Variants in CHD2 observed in about 807,000 individuals in gnomAD.
The protein encoded by CHD2 is ATP-dependent chromatin remodeler CHD2.
CHD2 carries 28 observed loss-of-function variants against 243.9 expected under a neutral mutation model. The observed-to-expected ratio is 0.11, with a 90% CI of 0.09 to 0.16. The LOEUF is 0.16. Ranked by LOEUF, CHD2 falls within the 10% of genes least tolerant of loss-of-function variation. CHD2 has a pLI of 1.00. For missense variants in CHD2, 1,386 were observed against 2,209.8 expected (o/e 0.63, Z 7.47); for synonymous variants, 775 against 779.0 (o/e 0.99, Z 0.09).
intron 5 of CHD2, among the ~76,000 whole-genome samples, chr15:92,932,640 G>A (rs1432355388): frequency 6.6e-6 from 1 of 152,214 alleles, no homozygotes; most frequent in East Asian, 1.9e-4. Flanking sequence ...TTAATTGGGA[G>A]CACTTTCACA....
intron 5 of CHD2, 87 bp downstream of exon 5, chr15:92,929,178 T>C: frequency 2.4e-6 from 3 of 1,268,458 alleles, no homozygotes; most frequent in Non-Finnish European, 1.1e-6. Flanking sequence ...GTCTTTAGTC[T>C]ACTCCAGGTC....
At chr15:92,965,913 G>A (rs76720984) in intron 16 of CHD2, among the ~76,000 whole-genome samples, 6 of 152,118 alleles carry the variant, frequency 3.9e-5, no homozygotes, top group African/African-American at 1.4e-4. Context: ...AGGTAAATTA[G>A]CTTATTGAAA....
chr15:92,905,560 T>G (rs2052605356), intron 2 of CHD2, among the ~76,000 whole-genome samples: 1 of 152,172 alleles, frequency 6.6e-6, no homozygotes, highest in Non-Finnish European at 1.5e-5. Flanking sequence ...TGTTGACCCT[T>G]CAGTGCAGGT....
chr15:93,020,636 T>C, intron 38 of CHD2: 1 of 387,338 alleles, frequency 2.6e-6, no homozygotes, highest in Non-Finnish European at 4.7e-6. Context: ...AGCCCATAAT[T>C]GAAGAGTCAA....
rs979710238 is a variant in CHD2, at chr15:92,937,597, G to A, written c.523G>A (p.Val175Ile). The A allele has an allele frequency of 6.2e-7, 1 of 1,613,608 alleles. No homozygotes were observed. Among genetic ancestry groups the A allele is most frequent in the Non-Finnish European group, 8.5e-7 (1 of 1,179,738 alleles). ...SAESEPEQKK[V>I]KARRPVPRRT... ...AGAGAGTGAGCCAGAACAAAAAAAA[G>A]TAAAAGCCAGAAGACCTGTCCCCAG... The change falls in exon 6 of 39, where the codon GTA becomes ATA. Residue 175 changes from valine to isoleucine, a missense_variant. By Grantham distance (29) the Val-to-Ile change is conservative. Coordinates refer to ENST00000394196, the MANE Select transcript of CHD2 (RefSeq NM_001271.4).
chr15:92,919,731 G>GT (rs1161318656), intron 2 of CHD2, among the ~76,000 whole-genome samples: 3 of 152,132 alleles, frequency 2.0e-5, no homozygotes, highest in African/African-American at 7.2e-5. Flanking sequence ...ATCTTTGCTG[G>GT]TTTTGTGTAG....
chr15:92,918,820 T>C (rs12908494), intron 2 of CHD2, among the ~76,000 whole-genome samples: 64,723 of 151,298 alleles, frequency 0.43, 15,619 homozygotes, highest in East Asian at 0.84. Context: ...TATATACACA[T>C]ATACATATAT....
chr15:93,027,329 A>G lies in CHD2; in HGVS notation c.*2624A>G. 6.6e-6 allele frequency: 1 copy of G among 152,354 alleles called. No individual in the cohort carries two copies. 9.4% of individuals were successfully genotyped at this position (152,354 alleles called of 1,614,324 possible). ...GTTGGTAGAAATAACAGGTTGAGAA[A>G]GAGGGAGTTAGCATCACCTAAAACC... On this transcript the variant is annotated 3_prime_UTR_variant, in exon 39 of 39. Transcript: ENST00000394196.
chr15:92,995,970 ACATCTCTAAGGGTCACTTG>A (rs1231171514), intron 28 of CHD2, among the ~76,000 whole-genome samples: 2 of 152,150 alleles, frequency 1.3e-5, no homozygotes, highest in East Asian at 3.8e-4. Context: ...ACAAGGTTGT[ACATCTCTAAGGGTCACTTG>A]CATTTTGTTC....
intron 5 of CHD2, among the ~76,000 whole-genome samples, chr15:92,935,259 ATCTACTGACC>A (rs1345695356): frequency 6.6e-6 from 1 of 151,952 alleles, no homozygotes; most frequent in Non-Finnish European, 1.5e-5. Flanking sequence ...GATGGTCTCA[ATCTACTGACC>A]TCGTGATCCG....
chr15:92,965,171 T>C (rs995088328), intron 16 of CHD2: 5 of 152,184 alleles, frequency 3.3e-5, no homozygotes, highest in African/African-American at 1.2e-4. Flanking sequence ...TAACATGGTG[T>C]CTTTATACAT....
chr15:92,993,150 A>G, intron 28 of CHD2, 152 bp downstream of exon 28: 1 of 717,220 alleles, frequency 1.4e-6, no homozygotes, highest in Non-Finnish European at 2.3e-6. Flanking sequence ...TGAGCTTAAT[A>G]TTCTACTCTC....
In CHD2 at chr15:92,931,887, G is replaced by A. The variant is rs1159057397; in HGVS notation, c.443+2796G>A. 6.6e-5 allele frequency among the ~76,000 whole-genome samples: 9 copies of A among 135,816 alleles called. No individual in the cohort carries two copies. In the East Asian group the frequency reaches 1.7e-3, roughly 25 times the overall value. The allele number at this position is 135,816 out of a possible 152,430, so 89.1% of individuals were successfully genotyped here. On this transcript the variant is annotated intron_variant, in intron 5 of 38. Coordinates refer to ENST00000394196, the MANE Select transcript of CHD2 (RefSeq NM_001271.4). ...ACTTTTTTTTTTTTTTTTTTGAGAC[G>A]CAGTCTGGCTTTGTCGCCAGGCTGG...
chr15:92,930,789 C>T (rs2053153166), intron 5 of CHD2, among the ~76,000 whole-genome samples: 2 of 152,132 alleles, frequency 1.3e-5, no homozygotes, highest in Admixed American at 1.3e-4. Flanking sequence ...CCTTTCTTTT[C>T]CTGAGTAGAA....
chr15:92,970,082 T>A (rs959406294), intron 17 of CHD2, among the ~76,000 whole-genome samples: 1 of 152,194 alleles, frequency 6.6e-6, no homozygotes, highest in Non-Finnish European at 1.5e-5. Flanking sequence ...TTTAATTTTG[T>A]TTTTAAATTA....
chr15:92,993,089 G>GCCT, intron 28 of CHD2, 91 bp downstream of exon 28: 2 of 1,356,812 alleles, frequency 1.5e-6, no homozygotes, highest in Non-Finnish European at 2.1e-6. Flanking sequence ...ACAGGCTTGA[G>GCCT]GACCACACAT....
Position 92,998,395 on chromosome 15 carries a change from G to C in CHD2, c.3886-104G>C, listed in dbSNP as rs2054211014. On this transcript the variant is annotated intron_variant, in intron 30 of 38. Transcript: ENST00000394196. This position sits in a 1 kb window ranked among gnomAD's most constrained non-coding sequence, Gnocchi z 5.1. ...GGCTTTATCTATATTTTGGGTGGTT[G>C]GGGAGGGAAAGGACTGTGCTCAGTT... is the stretch of plus-strand genomic sequence containing the variant. The C allele has an allele frequency of 1.3e-6, 2 of 1,511,522 alleles. No individual in the cohort carries two copies. The highest frequency in any genetic ancestry group is 2.0e-5 in the Admixed American group (1 of 50,778). The allele number at this position is 1,511,522 out of a possible 1,614,324, so 93.6% of individuals were successfully genotyped here.
At chr15:92,904,786 T>G (rs930378500) in intron 2 of CHD2, 4 of 1,419,752 alleles carry the variant, frequency 2.8e-6, no homozygotes, top group African/African-American at 2.9e-5. Flanking sequence ...CCCGCCCCCG[T>G]TCAGTGTGAA....
At chr15:92,900,917 A>G (rs987846149) in intron 1 of CHD2, 93 bp downstream of exon 1, 5 of 413,752 alleles carry the variant, frequency 1.2e-5, no homozygotes, top group Non-Finnish European at 1.7e-5. Flanking sequence ...GGATGACGCA[A>G]TAAGATACAG....
Sources: allele counts gnomAD v4.1 joint callset (sites outside exome capture counted in the v4.1 genomes callset), GRCh38; gene constraint gnomAD v4.1.1; non-coding constraint Gnocchi (gnomAD v3.1); transcripts MANE v1.5; gene names NCBI Gene and HGNC (gene_info 2026-07-23, HGNC 2026-07-21).